PLCE1: variants seen among roughly 807,000 people sequenced by gnomAD.
PLCE1 encodes the protein 1-phosphatidylinositol 4,5-bisphosphate phosphodiesterase epsilon-1.
A neutral mutation model predicts 242.8 loss-of-function variants in PLCE1; 119 were observed. The ratio of observed to expected loss-of-function variants is 0.49; its 90% CI spans 0.42 to 0.57. The LOEUF is 0.57. Ranked by LOEUF, PLCE1 falls within the 20% of genes least tolerant of loss-of-function variation. PLCE1 has a pLI of 0.00. For synonymous variants in PLCE1, 945 were observed against 1,017.4 expected (o/e 0.93, Z 1.35); for missense variants, 2,441 against 2,788.8 (o/e 0.88, Z 2.81).
chr10:94,084,359 A>G (rs1325768015), intron 2 of PLCE1, among the ~76,000 whole-genome samples: 4 of 152,130 alleles, frequency 2.6e-5, no homozygotes, highest in Non-Finnish European at 5.9e-5. Context: ...GGAAGAAATG[A>G]GGGGAGAGGG....
At chr10:94,102,972 T>G (rs1291506463) in intron 2 of PLCE1, among the ~76,000 whole-genome samples, 2 of 152,208 alleles carry the variant, frequency 1.3e-5, no homozygotes, top group Non-Finnish European at 2.9e-5. Context: ...AGAAAAACAG[T>G]GGAGGAGGCA....
intron 4 of PLCE1, among the ~76,000 whole-genome samples, chr10:94,176,985 T>C (rs1433049789): frequency 2.0e-5 from 3 of 151,966 alleles, no homozygotes; most frequent in African/African-American, 7.3e-5. Flanking sequence ...AAGAAGACAA[T>C]CAGACAGTTT....
intron 4 of PLCE1, among the ~76,000 whole-genome samples, chr10:94,221,613 T>G (rs1014400709): frequency 2.0e-5 from 3 of 152,170 alleles, no homozygotes; most frequent in African/African-American, 7.2e-5. Context: ...CGCATGCCTG[T>G]AATTCCAGCT....
intron 1 of PLCE1, among the ~76,000 whole-genome samples, chr10:94,019,035 G>C (rs1183841291): frequency 6.6e-6 from 1 of 152,150 alleles, no homozygotes; most frequent in African/African-American, 2.4e-5. Flanking sequence ...ATAATGATAA[G>C]AATAAAAGGT....
intron 3 of PLCE1, among the ~76,000 whole-genome samples, chr10:94,140,486 T>C (rs2046922733): frequency 6.6e-6 from 1 of 152,128 alleles, no homozygotes; most frequent in Non-Finnish European, 1.5e-5. Flanking sequence ...GAGGTTGCAG[T>C]GAGCCGAGAA....
In PLCE1 at chr10:94,235,932, T is replaced by C; in HGVS notation, c.2232T>C (p.Ser744=). The change falls in exon 7 of 33, where the codon AGT becomes AGC. Residue 744 remains serine, a synonymous_variant. Transcript: ENST00000371380. ...TTTTGTAGTTTGTAGCAGATTACAG[T>C]GGACAAGATAATTTCTTACAACGAG... ...EETLEFVADY[S]GQDNFLQRVG... 6.2e-7 allele frequency: 1 copy of C among 1,613,780 alleles called. No homozygotes were observed. The highest frequency in any genetic ancestry group is 8.5e-7 in the Non-Finnish European group (1 of 1,179,802).
At chr10:94,035,873 C>T (rs1297239683) in intron 2 of PLCE1, among the ~76,000 whole-genome samples, 1 of 152,050 alleles carries the variant, frequency 6.6e-6, no homozygotes, top group African/African-American at 2.4e-5. Context: ...GCTCCTTTTC[C>T]TGTGTTTTGG....
intron 4 of PLCE1, among the ~76,000 whole-genome samples, chr10:94,181,373 C>A (rs776188284): frequency 6.6e-6 from 1 of 151,902 alleles, no homozygotes; most frequent in Non-Finnish European, 1.5e-5. Flanking sequence ...GAGATCGAGA[C>A]CATCCTGGCC....
intron 2 of PLCE1, among the ~76,000 whole-genome samples, chr10:94,098,657 A>C (rs1445755258): frequency 1.3e-5 from 2 of 152,210 alleles, no homozygotes; most frequent in African/African-American, 4.8e-5. Context: ...CTAATAGATT[A>C]TCTCTTTTTA....
intron 7 of PLCE1, among the ~76,000 whole-genome samples, chr10:94,241,276 T>C (rs2050495516): frequency 6.6e-6 from 1 of 151,958 alleles, no homozygotes; most frequent in Admixed American, 6.5e-5. Context: ...CAGACACTAT[T>C]TTTTTATAAT....
intron 2 of PLCE1, among the ~76,000 whole-genome samples, chr10:94,097,608 C>A (rs2045362336): frequency 6.6e-6 from 1 of 152,154 alleles, no homozygotes; most frequent in Non-Finnish European, 1.5e-5. Flanking sequence ...CGGAGCTTAA[C>A]CATGAGAACT....
intron 2 of PLCE1, among the ~76,000 whole-genome samples, chr10:94,127,164 A>G (rs916915982): frequency 6.6e-6 from 1 of 152,250 alleles, no homozygotes; most frequent in Admixed American, 6.5e-5. Flanking sequence ...TCATTGTGTT[A>G]GTTAACATCT....
intron 27 of PLCE1, 43 bp from the exon 28 acceptor site, chr10:94,313,211 T>C (rs2053444809): frequency 1.2e-6 from 2 of 1,611,420 alleles, no homozygotes; most frequent in South Asian, 1.1e-5. Flanking sequence ...CTTAGAAATA[T>C]GTGATTACGG....
chr10:94,032,153 T>A lies in PLCE1; in HGVS notation c.1107T>A (p.Asn369Lys). The A allele has an allele frequency of 3.1e-6, 5 of 1,609,532 alleles. No homozygotes were observed. In the Middle Eastern group the frequency reaches 8.3e-4, roughly 268 times the overall value. ...TAWSYIDQKRNGPLLPCGRVM... is the reference protein window; with the variant it reads ...TAWSYIDQKRKGPLLPCGRVM... ...GGAGTTACATAGATCAGAAGAGAAA[T>A]GGTCCCTTACTGCCTTGTGGGAGAG... The change falls in exon 2 of 33, where the codon AAT becomes AAA. Residue 369 changes from asparagine (N) to lysine (K), a missense_variant. Transcript: ENST00000371380.
rs112702479 is a variant in PLCE1 at position 94,315,195 on chromosome 10, G to C, written c.6133-1352G>C. The C allele has an allele frequency of 3.0e-3, 989 of 328,926 alleles. 13 individuals are homozygous for C. The highest frequency in any genetic ancestry group is 0.019 in the African/African-American group (868 of 46,252). 20.4% of individuals were successfully genotyped at this position (328,926 alleles called of 1,614,324 possible). A position where few individuals can be genotyped will look rare whatever the true frequency, so the allele number is the denominator to read the frequency against. On this transcript the variant is annotated intron_variant, in intron 28 of 32. Transcript: ENST00000371380. ...AGCATTTCATCATTTATAGACCAAG[G>C]GCTGGGGTGGAGAGATTTCAGTCTT...
At chr10:94,071,495 G>GTTTTTTTTTTTTGTTTTTTTTTTTTTT (rs2044353147) in intron 2 of PLCE1, among the ~76,000 whole-genome samples, 1 of 83,316 alleles carries the variant, frequency 1.2e-5, no homozygotes, top group African/African-American at 5.4e-5. Flanking sequence ...TTTGGTTTTC[G>GTTTTTTTTTTTTGTTTTTTTTTTTTTT]TTTTTTTTTT....
rs776042399 is a variant in PLCE1, at chr10:94,032,141, T to A, written c.1095T>A (p.Asp365Glu). 1 of 1,609,684 alleles carries A rather than the reference T, an allele frequency of 6.2e-7. No homozygotes were observed. Among genetic ancestry groups the A allele is most frequent in the East Asian group, 2.2e-5 (1 of 44,810 alleles). ...HIGLTAWSYI[D>E]QKRNGPLLPC... ...GGCTGACTGCATGGAGTTACATAGA[T>A]CAGAAGAGAAATGGTCCCTTACTGC... is the stretch of plus-strand genomic sequence containing the variant. The change falls in exon 2 of 33, where the codon GAT becomes GAA. Residue 365 changes from aspartate to glutamate, a missense_variant. By Grantham distance (45) the Asp-to-Glu change is conservative. Transcript: ENST00000371380.
At chr10:94,060,346 A>G (rs1366966095) in intron 2 of PLCE1, among the ~76,000 whole-genome samples, 1 of 152,096 alleles carries the variant, frequency 6.6e-6, no homozygotes, top group African/African-American at 2.4e-5. Flanking sequence ...TACTATTTTT[A>G]TTATTATTGG....
chr10:93,998,028 T>G (rs1043760326), intron 1 of PLCE1, among the ~76,000 whole-genome samples: 1 of 152,230 alleles, frequency 6.6e-6, no homozygotes, highest in Non-Finnish European at 1.5e-5. Context: ...CTACCAGGAT[T>G]GTAAGCCCTC....
Sources: allele counts gnomAD v4.1 joint callset (sites outside exome capture counted in the v4.1 genomes callset), GRCh38; gene constraint gnomAD v4.1.1; transcripts MANE v1.5; gene names NCBI Gene and HGNC (gene_info 2026-07-23, HGNC 2026-07-21).